Variants in KLHL7 observed in about 807,000 individuals in gnomAD.
KLHL7 encodes the protein kelch-like protein 7.
In KLHL7, 44 loss-of-function variants were observed where a neutral mutation model predicts 67.4. The ratio of observed to expected loss-of-function variants is 0.65; its 90% CI spans 0.51 to 0.84. KLHL7 has a LOEUF of 0.84. KLHL7 is among the 40% of genes least tolerant of loss of function. The probability of loss-of-function intolerance (pLI) is 0.00; values close to 1 mark genes in which losing one functional copy is unlikely to be tolerated. For synonymous variants in KLHL7, 252 were observed against 243.3 expected (o/e 1.04, Z -0.33); for missense variants, 362 against 718.1 (o/e 0.50, Z 5.67).
At chr7:23,155,230 A>T (rs1784664498) in intron 7 of KLHL7, among the ~76,000 whole-genome samples, 1 of 152,222 alleles carries the variant, frequency 6.6e-6, no homozygotes, top group Non-Finnish European at 1.5e-5. Flanking sequence ...TGTGCTATCC[A>T]ATAAGCACAG....
intron 6 of KLHL7, among the ~76,000 whole-genome samples, chr7:23,144,458 C>T (rs571762457): frequency 8.9e-4 from 135 of 152,300 alleles, no homozygotes; most frequent in Admixed American, 1.4e-3. Context: ...CCCCTCAACA[C>T]CTTTGTACAA....
chr7:23,120,437 C>A (rs1013048497), intron 1 of KLHL7, among the ~76,000 whole-genome samples: 1 of 152,064 alleles, frequency 6.6e-6, no homozygotes, highest in South Asian at 2.1e-4. Flanking sequence ...TGTACTTATA[C>A]GGAATGTAGT....
At chr7:23,172,494 TAA>T (rs1785192877) in intron 9 of KLHL7, among the ~76,000 whole-genome samples, 3 of 152,240 alleles carry the variant, frequency 2.0e-5, no homozygotes, top group Admixed American at 6.5e-5. Flanking sequence ...AGGCCCATTA[TAA>T]GTTTGTGTTT....
intron 4 of KLHL7, chr7:23,129,478 G>A (rs1783714228): frequency 6.6e-6 from 2 of 305,146 alleles, no homozygotes; most frequent in South Asian, 7.7e-5. Flanking sequence ...AGCCCTAGAT[G>A]AGCTTATCAG....
intron 1 of KLHL7, chr7:23,106,849 T>G (rs1782664781): frequency 1.2e-6 from 1 of 817,724 alleles, no homozygotes; most frequent in Admixed American, 6.5e-5. Flanking sequence ...CAAAGAGGCT[T>G]TTTTTTTTTT....
At position 23,171,042 on chromosome 7, in the gene KLHL7, G is replaced by A. The variant is rs1243277950; in HGVS notation, c.1380-1906G>A. On this transcript the variant is annotated intron_variant, in intron 9 of 10. Coordinates refer to ENST00000339077, the MANE Select transcript of KLHL7 (RefSeq NM_001031710.3). ...CCTGCCTCAGCCTCCTGAGTAGCTG[G>A]GATTACAGGCGCACGCCACCACACG... 3 of 159,254 alleles carry A rather than the reference G, an allele frequency of 1.9e-5. No individual in the cohort carries two copies. In the Admixed American group the frequency reaches 1.9e-4, roughly 10 times the overall value. The allele number at this position is 159,254 out of a possible 1,614,324, so 9.9% of individuals were successfully genotyped here.
chr7:23,168,772 A>G (rs1311922166), intron 9 of KLHL7, among the ~76,000 whole-genome samples: 1 of 152,202 alleles, frequency 6.6e-6, no homozygotes, highest in African/African-American at 2.4e-5. Context: ...TTTGATAAGA[A>G]AAGTCACTTG....
chr7:23,146,017 C>T (rs949299860), intron 6 of KLHL7, among the ~76,000 whole-genome samples: 4 of 152,216 alleles, frequency 2.6e-5, no homozygotes, highest in Non-Finnish European at 5.9e-5. Flanking sequence ...CAGGCATGAA[C>T]CACAGTGCCT....
chr7:23,117,542 C>G (rs116288358), intron 1 of KLHL7, among the ~76,000 whole-genome samples: 280 of 152,278 alleles, frequency 1.8e-3, no homozygotes, highest in African/African-American at 6.5e-3. Context: ...TTTGGCCTGA[C>G]CTGGCATATG....
chr7:23,161,872 G>T (rs914718571), intron 7 of KLHL7, among the ~76,000 whole-genome samples: 1 of 152,312 alleles, frequency 6.6e-6, no homozygotes, highest in South Asian at 2.1e-4. Flanking sequence ...TCAGTATGCT[G>T]AGCCCTGGGC....
intron 1 of KLHL7, chr7:23,117,732 C>A: frequency 9.3e-7 from 1 of 1,080,464 alleles, no homozygotes; most frequent in Non-Finnish European, 1.3e-6. Context: ...TGTTTCTTAG[C>A]CTTTGCATTT....
At chr7:23,141,064 A>C in intron 5 of KLHL7, 120 bp downstream of exon 5, 1 of 898,922 alleles carries the variant, frequency 1.1e-6, no homozygotes, top group African/African-American at 1.6e-5. Flanking sequence ...TGTTCTTTAC[A>C]CTAAACAGAG....
intron 7 of KLHL7, among the ~76,000 whole-genome samples, 190 bp from the exon 8 acceptor site, chr7:23,165,508 C>T: frequency 6.6e-6 from 1 of 152,162 alleles, no homozygotes; most frequent in East Asian, 1.9e-4. Context: ...CTTTTGCCCT[C>T]CGCCCCATCT....
rs375207829 is a variant in KLHL7 at position 23,152,239 on chromosome 7, G to C, written c.936+30G>C. 8.7e-6 allele frequency: 14 copies of C among 1,608,526 alleles called. No individual in the cohort carries two copies. In the African/African-American group the frequency reaches 1.2e-4, roughly 14 times the overall value. On this transcript the variant is annotated intron_variant, in intron 7 of 10. Coordinates refer to ENST00000339077, the MANE Select transcript of KLHL7 (RefSeq NM_001031710.3). ...CTAATTTTTATTCTTGGTTTTTGTT[G>C]TTGTCTTTGAAATCACTGAACACAT...
intron 1 of KLHL7, among the ~76,000 whole-genome samples, chr7:23,113,124 CTT>C (rs1366769199): frequency 8.1e-6 from 1 of 123,916 alleles, no homozygotes; most frequent in Non-Finnish European, 1.7e-5. Flanking sequence ...AGTGATTTCT[CTT>C]TTCTCTAAAA....
At chr7:23,147,062 T>C (rs912283699) in intron 6 of KLHL7, among the ~76,000 whole-genome samples, 2 of 152,014 alleles carry the variant, frequency 1.3e-5, no homozygotes, top group Admixed American at 1.3e-4. Context: ...AATTGTATCT[T>C]TTTCCTTCTA....
intron 1 of KLHL7, among the ~76,000 whole-genome samples, chr7:23,113,801 G>A (rs780415761): frequency 1.3e-5 from 2 of 152,064 alleles, no homozygotes; most frequent in Non-Finnish European, 2.9e-5. Flanking sequence ...ACTCCAGCCT[G>A]GGCAACAAGA....
intron 1 of KLHL7, among the ~76,000 whole-genome samples, chr7:23,121,510 G>A (rs918752235): frequency 1.3e-5 from 2 of 150,586 alleles, no homozygotes; most frequent in African/African-American, 2.4e-5. Flanking sequence ...ATGTTGCCCC[G>A]GCTGGTCTCG....
intron 1 of KLHL7, among the ~76,000 whole-genome samples, chr7:23,119,968 A>AATG (rs750137100): frequency 3.9e-5 from 6 of 152,136 alleles, no homozygotes; most frequent in Non-Finnish European, 8.8e-5. Context: ...GAATAACAGT[A>AATG]ATGACAAGGA....
Sources: gnomAD v4.1 joint callset for allele counts (sites outside exome capture counted in the v4.1 genomes callset) on GRCh38, gnomAD v4.1.1 for gene constraint, MANE v1.5 for transcripts, NCBI Gene and HGNC (gene_info 2026-07-23, HGNC 2026-07-21) for gene names.